The following IDE variants were observed in gnomAD, a reference collection of about 807,000 sequenced individuals.
The protein encoded by IDE is insulin degrading enzyme.
A neutral mutation model predicts 133.2 loss-of-function variants in IDE; 58 were observed. That is an observed-to-expected ratio of 0.44 (90% CI 0.35 to 0.54). The LOEUF is 0.54. Ranked by LOEUF, IDE falls within the 20% of genes least tolerant of loss-of-function variation. IDE has a pLI of 0.00. For synonymous variants in IDE, 396 were observed against 421.3 expected (o/e 0.94, Z 0.73); for missense variants, 981 against 1,234.0 (o/e 0.79, Z 3.07).
At chr10:92,462,089 G>A (rs968620195) in intron 21 of IDE, among the ~76,000 whole-genome samples, 1 of 152,074 alleles carries the variant, frequency 6.6e-6, no homozygotes, top group Non-Finnish European at 1.5e-5. Flanking sequence ...GCCAAGGTAG[G>A]TGGATCACTC....
chr10:92,545,394 A>T (rs1842495960), intron 1 of IDE, among the ~76,000 whole-genome samples: 1 of 152,234 alleles, frequency 6.6e-6, no homozygotes, highest in African/African-American at 2.4e-5. Flanking sequence ...GGTAGGATAT[A>T]GCAGCTCATG....
chr10:92,559,899 G>A (rs1001025901), intron 1 of IDE, among the ~76,000 whole-genome samples: 21 of 151,920 alleles, frequency 1.4e-4, no homozygotes, highest in African/African-American at 3.9e-4. Flanking sequence ...CTCCACACTC[G>A]GCTAATTTTT....
At chr10:92,563,917 C>G (rs1843399750) in intron 1 of IDE, among the ~76,000 whole-genome samples, 3 of 152,148 alleles carry the variant, frequency 2.0e-5, no homozygotes, top group Admixed American at 1.3e-4. Context: ...TAACCATATG[C>G]TAGATAACCT....
At chr10:92,464,358 T>C (rs541422847) in intron 20 of IDE, among the ~76,000 whole-genome samples, 28 of 152,332 alleles carry the variant, frequency 1.8e-4, no homozygotes, top group African/African-American at 6.5e-4. Context: ...CATCCCTTAG[T>C]GACAGTCCTA....
chr10:92,495,400 T>C (rs900350187), intron 11 of IDE, among the ~76,000 whole-genome samples: 7 of 152,084 alleles, frequency 4.6e-5, no homozygotes, highest in African/African-American at 1.7e-4. Flanking sequence ...TTTGTATTTT[T>C]AGTAGAGACA....
intron 11 of IDE, among the ~76,000 whole-genome samples, chr10:92,502,034 T>G (rs11187031): frequency 0.22 from 32,950 of 151,624 alleles, 3,900 homozygotes; most frequent in Non-Finnish European, 0.26. Context: ...TCCCAGCTAC[T>G]CAGGAAGCTG....
At chr10:92,533,715 C>CAAA (rs35455474) in intron 3 of IDE, among the ~76,000 whole-genome samples, 16 of 119,326 alleles carry the variant, frequency 1.3e-4, no homozygotes, top group African/African-American at 2.5e-4. Context: ...AAAAATTGAC[C>CAAA]AAAAAAAAAA....
chr10:92,547,733 T>C (rs1217362633), intron 1 of IDE, among the ~76,000 whole-genome samples: 1 of 152,172 alleles, frequency 6.6e-6, no homozygotes, highest in African/African-American at 2.4e-5. Context: ...CAGAGAATGC[T>C]GCCTCAGGAA....
chr10:92,542,879 T>C (rs1185451245), intron 1 of IDE, among the ~76,000 whole-genome samples: 2 of 152,208 alleles, frequency 1.3e-5, no homozygotes, highest in Non-Finnish European at 2.9e-5. Context: ...AATCCCCAAA[T>C]ATAAGGTCAT....
chr10:92,501,178 A>G (rs1847985169), intron 11 of IDE, among the ~76,000 whole-genome samples: 1 of 149,810 alleles, frequency 6.7e-6, no homozygotes, highest in Non-Finnish European at 1.5e-5. Flanking sequence ...TGGGCAACAT[A>G]GTGAGACTCT....
At chr10:92,510,261 A>C in intron 5 of IDE, 99 bp from the exon 6 acceptor site, 1 of 559,570 alleles carries the variant, frequency 1.8e-6, no homozygotes. Context: ...TCTCAGTACT[A>C]CTGAAAGGAA....
intron 22 of IDE, 109 bp downstream of exon 22, chr10:92,461,082 C>G: frequency 1.7e-6 from 1 of 588,190 alleles, no homozygotes; most frequent in African/African-American, 1.9e-5. Flanking sequence ...CTCAAGTGAT[C>G]CTTCCACCTT....
rs376593808 is a variant in IDE, at chr10:92,479,301, G to A, written c.1860C>T (p.Leu620=). ...AAELAGLSYD[L]QNTIYGMYLS... is the part of the protein sequence containing the mutation. ...CATACATCCCATAGATGGTATTTTGGAGATCATAGCTCAAGCCTGCTAGCT... is the reference window on the plus strand; with the variant it reads ...CATACATCCCATAGATGGTATTTTGAAGATCATAGCTCAAGCCTGCTAGCT... Residue 620 remains leucine (L), a synonymous_variant, in exon 15 of 25, where the codon CTC becomes CTT. Transcript: ENST00000265986. 1.9e-6 allele frequency: 3 copies of A among 1,612,940 alleles called. No homozygotes were observed. In the East Asian group the frequency reaches 6.7e-5, roughly 36 times the overall value.
intron 15 of IDE, among the ~76,000 whole-genome samples, chr10:92,478,993 G>A (rs1269599251): frequency 6.6e-6 from 1 of 152,006 alleles, no homozygotes; most frequent in Non-Finnish European, 1.5e-5. Context: ...ATGGGTAAGA[G>A]CTAAACCTAA....
Position 92,452,765 on chromosome 10 carries a change from T to A in IDE, c.*1679A>T, listed in dbSNP as rs1844808993. 6.6e-6 allele frequency: 1 copy of A among 151,994 alleles called. No homozygotes were observed. Among genetic ancestry groups the A allele is most frequent in the Non-Finnish European group, 1.5e-5 (1 of 67,974 alleles). 9.4% of individuals were successfully genotyped at this position (151,994 alleles called of 1,614,324 possible). A position where few individuals can be genotyped will look rare whatever the true frequency, so the allele number is the denominator to read the frequency against. ...ACACTCAGGCCTAATTTCAGATCTGTCTTGTATATACTTGCAGTTTAATGA... is the reference window on the plus strand; with the variant it reads ...ACACTCAGGCCTAATTTCAGATCTGACTTGTATATACTTGCAGTTTAATGA... On this transcript the variant is annotated 3_prime_UTR_variant, in exon 25 of 25. Coordinates refer to ENST00000265986, the MANE Select transcript of IDE (RefSeq NM_004969.4).
rs1394674060 is a variant in IDE, at chr10:92,456,799, C to A, written c.2824-368G>T. 7.4e-5 allele frequency among the ~76,000 whole-genome samples: 9 copies of A among 121,992 alleles called. No homozygotes were observed. The Admixed American group carries it at 8.8e-4, about 12-fold the overall frequency. The allele number at this position is 121,992 out of a possible 152,430, so 80.0% of individuals were successfully genotyped here. A position where few individuals can be genotyped will look rare whatever the true frequency, so the allele number is the denominator to read the frequency against. ...TTTGCCATGTGCCATGAGCCGAGAT[C>A]ACGCCACTGCACTCCAGCCTGGGTG... On this transcript the variant is annotated intron_variant, in intron 22 of 24. Transcript: ENST00000265986.
At chr10:92,548,136 G>C (rs980370201) in intron 1 of IDE, among the ~76,000 whole-genome samples, 1 of 151,866 alleles carries the variant, frequency 6.6e-6, no homozygotes, top group Non-Finnish European at 1.5e-5. Flanking sequence ...AAGGCAGGCC[G>C]ATCACCTGAG....
chr10:92,552,041 C>T (rs1029425600), intron 1 of IDE, among the ~76,000 whole-genome samples: 1 of 151,968 alleles, frequency 6.6e-6, no homozygotes, highest in South Asian at 2.1e-4. Context: ...TAAAACCAAC[C>T]ATGATGGGGG....
intron 15 of IDE, among the ~76,000 whole-genome samples, chr10:92,477,125 CTG>C (rs1458622304): frequency 6.6e-6 from 1 of 151,928 alleles, no homozygotes; most frequent in Non-Finnish European, 1.5e-5. Context: ...AAAGGATACA[CTG>C]TATGTATCAT....
Sources: allele counts gnomAD v4.1 joint callset (sites outside exome capture counted in the v4.1 genomes callset), GRCh38; gene constraint gnomAD v4.1.1; transcripts MANE v1.5; gene names NCBI Gene and HGNC (gene_info 2026-07-23, HGNC 2026-07-21).